SRGAP3: variants seen among roughly 807,000 people sequenced by gnomAD.
SRGAP3 encodes SLIT-ROBO Rho GTPase-activating protein 3.
Under a neutral mutation model 121.1 loss-of-function variants are expected in SRGAP3, and 39 were observed. That is an observed-to-expected ratio of 0.32 (90% CI 0.25 to 0.42). The LOEUF is 0.42. Ranked by LOEUF, SRGAP3 falls within the 10% of genes least tolerant of loss-of-function variation. The pLI is 1.00. For synonymous variants in SRGAP3, 601 were observed against 570.0 expected (o/e 1.05, Z -0.77); for missense variants, 1,213 against 1,470.6 (o/e 0.82, Z 2.86).
intron 8 of SRGAP3, 124 bp downstream of exon 8, chr3:9,056,109 G>A (rs528988541): frequency 2.3e-4 from 190 of 824,626 alleles, no homozygotes; most frequent in East Asian, 3.5e-4. Flanking sequence ...TTTAATGATC[G>A]TGTACTATTC....
intron 3 of SRGAP3, among the ~76,000 whole-genome samples, chr3:9,299,394 A>G (rs1955010921): frequency 6.6e-6 from 1 of 151,732 alleles, no homozygotes; most frequent in African/African-American, 2.4e-5. Flanking sequence ...AAAGAAAAGA[A>G]ACTTCAAGAT....
intron 1 of SRGAP3, among the ~76,000 whole-genome samples, chr3:9,152,223 G>A (rs1361265642): frequency 1.3e-5 from 2 of 152,210 alleles, no homozygotes; most frequent in Non-Finnish European, 2.9e-5. Context: ...ACATGTGCCT[G>A]ACTTGGCCAC....
intron 3 of SRGAP3, among the ~76,000 whole-genome samples, chr3:9,299,118 T>C (rs1955003337): frequency 6.8e-6 from 1 of 147,980 alleles, no homozygotes; most frequent in South Asian, 2.1e-4. Context: ...ATCACAGCAC[T>C]TTGGGAGGCC....
chr3:9,318,305 G>C (rs1452115822), intron 3 of SRGAP3, among the ~76,000 whole-genome samples: 1 of 151,718 alleles, frequency 6.6e-6, no homozygotes, highest in East Asian at 1.9e-4. Flanking sequence ...TGGGAACCCA[G>C]AATCTACCGG....
chr3:9,250,453 G>A (rs903353039), upstream of SRGAP3, among the ~76,000 whole-genome samples: 6 of 152,106 alleles, frequency 3.9e-5, no homozygotes, highest in South Asian at 6.2e-4. Context: ...GGAGTTGTAC[G>A]AGGCAAGAGG....
rs188192135 is a variant in SRGAP3, at chr3:9,067,749, G to A, written c.487-3168C>T. ...GGTGCAGCAAACCACGATGGCACAC[G>A]TTTACCTATGTAACAAACCTGCGTG... On this transcript the variant is annotated intron_variant, in intron 4 of 21. Transcript: ENST00000383836. Among the ~76,000 whole-genome samples the A allele has an allele frequency of 3.2e-3, 480 of 152,174 alleles. 4 individuals carry two copies. The highest frequency in any genetic ancestry group is 0.011 in the African/African-American group (445 of 41,510).
At chr3:9,254,935 A>AAAAG (rs144292991) in intron 3 of SRGAP3, among the ~76,000 whole-genome samples, 14,210 of 150,324 alleles carry the variant, frequency 0.095, 776 homozygotes, top group Middle Eastern at 0.15. Flanking sequence ...GAGAGAAAGA[A>AAAAG]AAAGAAAGAA....
chr3:9,030,431 T>A (rs1944426473), intron 12 of SRGAP3, among the ~76,000 whole-genome samples: 1 of 152,236 alleles, frequency 6.6e-6, no homozygotes, highest in Non-Finnish European at 1.5e-5. Context: ...CGGAGCTTTC[T>A]ATTCCAAAGA....
intron 3 of SRGAP3, among the ~76,000 whole-genome samples, chr3:9,102,662 G>A (rs1303778722): frequency 6.6e-6 from 1 of 152,254 alleles, no homozygotes; most frequent in African/African-American, 2.4e-5. Flanking sequence ...AAGCCCCTGT[G>A]GGCTGGGTTG....
intron 1 of SRGAP3, among the ~76,000 whole-genome samples, chr3:9,198,240 A>C (rs1204124531): frequency 6.6e-6 from 1 of 152,222 alleles, no homozygotes. Flanking sequence ...TTATATGTCT[A>C]CATGGCCTTA....
At chr3:9,256,779 T>G (rs995725191) in intron 3 of SRGAP3, 47 of 398,486 alleles carry the variant, frequency 1.2e-4, no homozygotes, top group African/African-American at 8.0e-4. Flanking sequence ...ATTCTGCCCC[T>G]GTGGAGGAGA....
At chr3:9,028,918 C>T (rs929781303) in intron 12 of SRGAP3, among the ~76,000 whole-genome samples, 3 of 152,146 alleles carry the variant, frequency 2.0e-5, no homozygotes, top group Non-Finnish European at 4.4e-5. Context: ...CACTAAAAGC[C>T]ACTGATGATG....
At chr3:9,323,274 T>C (rs1048451965) in intron 3 of SRGAP3, among the ~76,000 whole-genome samples, 15 of 151,920 alleles carry the variant, frequency 9.9e-5, no homozygotes, top group African/African-American at 3.6e-4. Flanking sequence ...AATCTGTGTA[T>C]GTGTGCAATT....
At chr3:9,061,075 T>C (rs534137012) in intron 5 of SRGAP3, among the ~76,000 whole-genome samples, 5 of 152,188 alleles carry the variant, frequency 3.3e-5, no homozygotes, top group African/African-American at 1.2e-4. Flanking sequence ...CTACTAAAAA[T>C]ACAAAAATTA....
At chr3:9,219,120 C>A (rs950556788) in intron 1 of SRGAP3, 3 of 152,172 alleles carry the variant, frequency 2.0e-5, no homozygotes, top group Non-Finnish European at 2.9e-5. Flanking sequence ...CAGGTGTGAA[C>A]CATCATGCCT....
rs1953526432 is a variant in SRGAP3 at position 9,239,034 on chromosome 3, C to A, written c.67+9851G>T. On this transcript the variant is annotated intron_variant, in intron 1 of 21. Coordinates refer to ENST00000383836, the MANE Select transcript of SRGAP3 (RefSeq NM_014850.4). This position sits in a 1 kb window ranked among gnomAD's most constrained non-coding sequence, Gnocchi z 4.0. ...TCCCCCTGGATCTTGGAGCACAACC[C>A]TGGAGGGAAACCCCAAATTGACTTA... Among the ~76,000 whole-genome samples, 1 of 152,180 alleles carries A rather than the reference C, an allele frequency of 6.6e-6. No individual in the cohort carries two copies. Among genetic ancestry groups the A allele is most frequent in the South Asian group, 2.1e-4 (1 of 4,832 alleles).
chr3:9,191,901 A>C (rs866862391), intron 1 of SRGAP3, among the ~76,000 whole-genome samples: 1 of 151,196 alleles, frequency 6.6e-6, no homozygotes. Context: ...ACTTTCTCTC[A>C]CTCCTGTTTT....
intron 1 of SRGAP3, among the ~76,000 whole-genome samples, chr3:9,164,763 G>A (rs1353381183): frequency 6.6e-6 from 1 of 152,208 alleles, no homozygotes; most frequent in Non-Finnish European, 1.5e-5. Context: ...TGGCCACTCA[G>A]TACTTCAGAT....
At chr3:9,038,362 T>A (rs953172373) in intron 10 of SRGAP3, among the ~76,000 whole-genome samples, 1 of 152,254 alleles carries the variant, frequency 6.6e-6, no homozygotes, top group Non-Finnish European at 1.5e-5. Context: ...ACCACTTGCA[T>A]CAGAAACATC....
Sources: gnomAD v4.1 joint callset for allele counts (sites outside exome capture counted in the v4.1 genomes callset) on GRCh38, gnomAD v4.1.1 for gene constraint, Gnocchi (gnomAD v3.1) non-coding constraint, MANE v1.5 for transcripts, NCBI Gene and HGNC (gene_info 2026-07-23, HGNC 2026-07-21) for gene names.